Variants in KDM4C observed in about 807,000 individuals in gnomAD.
KDM4C encodes lysine demethylase 4C, also known as lysine-specific demethylase 4C.
Under a neutral mutation model 129.3 loss-of-function variants are expected in KDM4C, and 81 were observed. That is an observed-to-expected ratio of 0.63 (90% CI 0.52 to 0.75). KDM4C has a LOEUF of 0.75. KDM4C is among the 30% of genes least tolerant of loss of function. The pLI is 0.00. For missense variants in KDM4C, 1,457 were observed against 1,304.0 expected (o/e 1.12, Z -1.81); for synonymous variants, 573 against 456.1 (o/e 1.26, Z -3.26).
rs558231616 is a variant in KDM4C at position 6,970,479 on chromosome 9, T to C, written c.922-10446T>C. 2.0e-5 allele frequency among the ~76,000 whole-genome samples: 3 copies of C among 152,224 alleles called. No individual in the cohort carries two copies. In the East Asian group the frequency reaches 5.8e-4, roughly 29 times the overall value. ...GTATTAAATTTGAACCAAAGATGGA[T>C]GTAATTTAATATTTGATTAAAGTGC... On this transcript the variant is annotated intron_variant, in intron 8 of 21. Transcript: ENST00000381309.
intron 15 of KDM4C, among the ~76,000 whole-genome samples, chr9:7,029,536 T>A (rs1318010180): frequency 2.0e-5 from 3 of 151,862 alleles, no homozygotes; most frequent in African/African-American, 7.2e-5. Context: ...TTTTGTGTGA[T>A]CTTCTGAAGA....
chr9:7,135,333 G>A (rs1766264470), intron 19 of KDM4C, among the ~76,000 whole-genome samples: 1 of 152,092 alleles, frequency 6.6e-6, no homozygotes, highest in Non-Finnish European at 1.5e-5. Flanking sequence ...ATTGGCATTG[G>A]GAACTTATTC....
rs571421613 is a variant in KDM4C, at chr9:7,045,623, T to C, written c.2260-1239T>C. 1.5e-3 allele frequency among the ~76,000 whole-genome samples: 221 copies of C among 152,160 alleles called. 2 individuals carry two copies. The highest frequency in any genetic ancestry group is 2.2e-3 in the Non-Finnish European group (149 of 67,944). On this transcript the variant is annotated intron_variant, in intron 15 of 21. Coordinates refer to ENST00000381309, the MANE Select transcript of KDM4C (RefSeq NM_015061.6). ...TGGTATGGATAGAGAAAATTCTTCA[T>C]TGAGTTGTTAACTCCTTGAGCTGGG...
chr9:6,867,305 C>CTT (rs1842195015), intron 5 of KDM4C, among the ~76,000 whole-genome samples: 1 of 152,158 alleles, frequency 6.6e-6, no homozygotes, highest in Non-Finnish European at 1.5e-5. Flanking sequence ...TGAGCCGCTG[C>CTT]GCCCGGCCAG....
At chr9:7,001,195 A>G (rs189132492) in intron 12 of KDM4C, among the ~76,000 whole-genome samples, 345 of 152,358 alleles carry the variant, frequency 2.3e-3, no homozygotes, top group Non-Finnish European at 3.9e-3. Flanking sequence ...AAGTGAACCT[A>G]TAAATTCTGG....
intron 4 of KDM4C, chr9:6,815,217 G>A (rs1831864548): frequency 1.3e-5 from 2 of 151,618 alleles, no homozygotes; most frequent in African/African-American, 4.8e-5. Flanking sequence ...AAAAGTACAT[G>A]TTATTACAGT....
intron 19 of KDM4C, among the ~76,000 whole-genome samples, chr9:7,130,020 T>C (rs369118879): frequency 1.5e-4 from 23 of 152,196 alleles, no homozygotes; most frequent in African/African-American, 4.8e-4. Flanking sequence ...TTTAAAGCAA[T>C]AGGAGAAGGG....
intron 8 of KDM4C, among the ~76,000 whole-genome samples, chr9:6,958,311 G>T (rs1323771039): frequency 6.6e-6 from 1 of 152,094 alleles, no homozygotes; most frequent in East Asian, 1.9e-4. Context: ...TGAGGCCGGT[G>T]CGGTGGCTCA....
At chr9:7,027,409 C>G (rs899560398) in intron 15 of KDM4C, among the ~76,000 whole-genome samples, 8 of 152,332 alleles carry the variant, frequency 5.3e-5, no homozygotes, top group South Asian at 2.1e-4. Context: ...GACTCTTGTT[C>G]TCTTCCCTTA....
chr9:6,782,040 G>T (rs1307950168), intron 1 of KDM4C, among the ~76,000 whole-genome samples: 5 of 152,038 alleles, frequency 3.3e-5, no homozygotes, highest in African/African-American at 1.2e-4. Flanking sequence ...GGCCCGGCTG[G>T]TCTCGAACTC....
At chr9:7,018,132 G>A (rs922939330) in intron 15 of KDM4C, among the ~76,000 whole-genome samples, 1 of 152,212 alleles carries the variant, frequency 6.6e-6, no homozygotes, top group Non-Finnish European at 1.5e-5. Flanking sequence ...ACATAATACA[G>A]TGTACTGACA....
At chr9:6,840,532 G>T (rs1297318066) in intron 4 of KDM4C, among the ~76,000 whole-genome samples, 2 of 152,082 alleles carry the variant, frequency 1.3e-5, no homozygotes, top group African/African-American at 4.8e-5. Context: ...GAGTAGCTGG[G>T]ACTACAGGCG....
At chr9:6,913,184 T>G (rs1170511187) in intron 8 of KDM4C, among the ~76,000 whole-genome samples, 1 of 152,128 alleles carries the variant, frequency 6.6e-6, no homozygotes, top group Non-Finnish European at 1.5e-5. Context: ...GAATTGTCCA[T>G]TTTCTTTCTA....
At chr9:7,026,301 G>T (rs1157140432) in intron 15 of KDM4C, among the ~76,000 whole-genome samples, 1 of 151,878 alleles carries the variant, frequency 6.6e-6, no homozygotes, top group Non-Finnish European at 1.5e-5. Context: ...GTTTGTCTGG[G>T]AAAGTCTTTT....
chr9:7,055,101 C>G (rs1830692840), intron 17 of KDM4C, among the ~76,000 whole-genome samples: 1 of 152,078 alleles, frequency 6.6e-6, no homozygotes, highest in Admixed American at 6.5e-5. Flanking sequence ...TTGCTTGAAC[C>G]TGGGAGGCGG....
intron 8 of KDM4C, among the ~76,000 whole-genome samples, chr9:6,920,730 T>G (rs1252386493): frequency 1.3e-5 from 2 of 152,154 alleles, no homozygotes; most frequent in Admixed American, 6.5e-5. Flanking sequence ...GGTCTGAAGG[T>G]GTGCTTACAT....
At chr9:7,124,271 A>C (rs1378980877) in intron 18 of KDM4C, among the ~76,000 whole-genome samples, 1 of 152,198 alleles carries the variant, frequency 6.6e-6, no homozygotes, top group Non-Finnish European at 1.5e-5. Context: ...ACACTAAATA[A>C]CTAATATCAT....
chr9:6,851,841 C>A (rs977792257), intron 5 of KDM4C, among the ~76,000 whole-genome samples: 4 of 152,066 alleles, frequency 2.6e-5, no homozygotes, highest in African/African-American at 9.7e-5. Context: ...TGGGAAAGAG[C>A]ATCACTAATC....
chr9:6,851,731 C>G (rs1487840386), intron 5 of KDM4C, among the ~76,000 whole-genome samples: 2 of 152,080 alleles, frequency 1.3e-5, no homozygotes, highest in Non-Finnish European at 2.9e-5. Context: ...AGATGGCTGT[C>G]TTGTCTTCTC....
Sources: gnomAD v4.1 joint callset for allele counts (sites outside exome capture counted in the v4.1 genomes callset) on GRCh38, gnomAD v4.1.1 for gene constraint, MANE v1.5 for transcripts, NCBI Gene and HGNC (gene_info 2026-07-23, HGNC 2026-07-21) for gene names.